Variants in TM4SF18 observed in about 807,000 individuals in gnomAD.
TM4SF18 encodes transmembrane 4 L6 family member 18.
TM4SF18 carries 22 observed loss-of-function variants against 23.8 expected under a neutral mutation model. That is an observed-to-expected ratio of 0.92 (90% CI 0.66 to 1.32). The LOEUF is 1.32. Ranked by LOEUF, TM4SF18 falls within the 40% of genes most tolerant of loss-of-function variation. TM4SF18 has a pLI of 0.00. For missense variants in TM4SF18, 255 were observed against 240.3 expected (o/e 1.06, Z -0.41); for synonymous variants, 87 against 87.9 (o/e 0.99, Z 0.06).
chr3:149,333,005 C>T (rs978266081), intron 2 of TM4SF18, among the ~76,000 whole-genome samples: 2 of 152,212 alleles, frequency 1.3e-5, no homozygotes, highest in Non-Finnish European at 2.9e-5. Flanking sequence ...ACTGAGGCTG[C>T]ATTGCTGAGC....
chr3:149,322,905 C>T (rs1165301348), intron 4 of TM4SF18, among the ~76,000 whole-genome samples: 16 of 128,778 alleles, frequency 1.2e-4, no homozygotes, highest in Non-Finnish European at 2.6e-4. Context: ...GGCCTCCAGA[C>T]TTTTTTTTTT....
At chr3:149,321,730 T>G (rs1368804151) in intron 5 of TM4SF18, among the ~76,000 whole-genome samples, 1 of 152,230 alleles carries the variant, frequency 6.6e-6, no homozygotes, top group African/African-American at 2.4e-5. Context: ...GTTTCAACCA[T>G]AACTAAATTA....
Position 149,330,381 on chromosome 3 carries a change from A to G in TM4SF18, c.216T>C (p.Asn72=), listed in dbSNP as rs759109514. Residue 72 remains asparagine (N), a synonymous_variant, in exon 3 of 6, where the codon AAT becomes AAC. Transcript: ENST00000296059. ...TCTGGCAACATTTATAGTTGTTATT[A>G]TTCTCCAGTACCAGAAGAACTGTTG... ...IVTTVLLVLE[N]NNNYKCCQSE... is the part of the protein sequence containing the mutation. 4 of 1,610,514 alleles carry G rather than the reference A, an allele frequency of 2.5e-6. No individual in the cohort carries two copies. Among genetic ancestry groups the G allele is most frequent in the Non-Finnish European group, 3.4e-6 (4 of 1,178,110 alleles).
Position 149,318,998 on chromosome 3 carries a change from A to G in TM4SF18, c.*2480T>C, listed in dbSNP as rs905550568. ...TTACTTAAAATTGCATGATTAGCATATACTCTTCAAATATAGAATATTTGG... is the reference window on the plus strand; with the variant it reads ...TTACTTAAAATTGCATGATTAGCATGTACTCTTCAAATATAGAATATTTGG... On this transcript the variant is annotated 3_prime_UTR_variant, in exon 6 of 6. Transcript: ENST00000296059. 1 of 152,128 alleles carries G rather than the reference A, an allele frequency of 6.6e-6. No individual in the cohort carries two copies. Among genetic ancestry groups the G allele is most frequent in the African/African-American group, 2.4e-5 (1 of 41,426 alleles). 9.4% of individuals were successfully genotyped at this position (152,128 alleles called of 1,614,324 possible).
rs907667698 is a variant in TM4SF18, at chr3:149,321,577, T to A, written c.592-85A>T. 2.6e-5 allele frequency: 22 copies of A among 837,510 alleles called. No individual in the cohort carries two copies. In the African/African-American group the frequency reaches 3.7e-4, roughly 14 times the overall value. 51.9% of individuals were successfully genotyped at this position (837,510 alleles called of 1,614,324 possible). On this transcript the variant is annotated intron_variant, in intron 5 of 5. Transcript: ENST00000296059. Reference sequence around the variant, plus strand: ...CCGTAATCCAGATAGCAACTTAAACTTATATTTCATATTCAAAATATGATA... The same window carrying A: ...CCGTAATCCAGATAGCAACTTAAACATATATTTCATATTCAAAATATGATA...
At chr3:149,331,368 C>T (rs1731083801) in intron 2 of TM4SF18, among the ~76,000 whole-genome samples, 1 of 152,046 alleles carries the variant, frequency 6.6e-6, no homozygotes, top group Non-Finnish European at 1.5e-5. Context: ...AAATAGAGAA[C>T]AGGTTTCTTT....
At chr3:149,325,130 C>A in intron 3 of TM4SF18, 108 bp from the exon 4 acceptor site, 1 of 931,766 alleles carries the variant, frequency 1.1e-6, no homozygotes, top group African/African-American at 1.7e-5. Context: ...CTCATGCAGT[C>A]TATACAATAC....
intron 3 of TM4SF18, among the ~76,000 whole-genome samples, chr3:149,326,716 TCA>T (rs1197468161): frequency 6.6e-6 from 1 of 152,232 alleles, no homozygotes; most frequent in African/African-American, 2.4e-5. Context: ...TTTTCTGGAC[TCA>T]CAGATCTTCT....
chr3:149,326,607 T>C (rs1054993452), intron 3 of TM4SF18, among the ~76,000 whole-genome samples: 3 of 152,238 alleles, frequency 2.0e-5, no homozygotes, highest in African/African-American at 7.2e-5. Context: ...TCCAATGTGC[T>C]GCTTTCATAA....
At position 149,325,095 on chromosome 3, in the gene TM4SF18, A is replaced by G. The variant is rs1381177880; in HGVS notation, c.268-73T>C. 2.7e-6 allele frequency: 4 copies of G among 1,480,306 alleles called. No homozygotes were observed. In the East Asian group the frequency reaches 7.3e-5, roughly 27 times the overall value. 91.7% of individuals were successfully genotyped at this position (1,480,306 alleles called of 1,614,324 possible). ...GGATATTGTGGATAAATTATCAGAT[A>G]GCTACATTCCCCTATTCACCCAAGC... is the stretch of plus-strand genomic sequence containing the variant. On this transcript the variant is annotated intron_variant, in intron 3 of 5. Coordinates refer to ENST00000296059, the MANE Select transcript of TM4SF18 (RefSeq NM_138786.4).
intron 5 of TM4SF18, among the ~76,000 whole-genome samples, 176 bp from the exon 6 acceptor site, chr3:149,321,668 T>C (rs561710968): frequency 6.6e-6 from 1 of 152,342 alleles, no homozygotes; most frequent in South Asian, 2.1e-4. Flanking sequence ...TTAAACAAAA[T>C]ACAAGCCATC....
intron 3 of TM4SF18, among the ~76,000 whole-genome samples, chr3:149,328,803 C>G (rs898880432): frequency 6.6e-6 from 1 of 152,104 alleles, no homozygotes; most frequent in African/African-American, 2.4e-5. Context: ...ATTGGGACTT[C>G]TCTTCTAGAA....
At position 149,322,905 on chromosome 3, in the gene TM4SF18, C is replaced by CTTTTTTTTTTT. The variant is rs34338382; in HGVS notation, c.411-480_411-470dup. ...GAACTTTACCCCTCTGGCCTCCAGA[C>CTTTTTTTTTTT]TTTTTTTTTTTTTTTTGAGACGGAG... On this transcript the variant is annotated intron_variant, in intron 4 of 5. Coordinates refer to ENST00000296059, the MANE Select transcript of TM4SF18 (RefSeq NM_138786.4). Among the ~76,000 whole-genome samples, 24 of 128,776 alleles carry CTTTTTTTTTTT rather than the reference C, an allele frequency of 1.9e-4. 1 individual carries two copies. Among genetic ancestry groups the CTTTTTTTTTTT allele is most frequent in the Middle Eastern group, 4.2e-3 (1 of 236 alleles). The allele number at this position is 128,776 out of a possible 152,430, so 84.5% of individuals were successfully genotyped here. A position where few individuals can be genotyped will look rare whatever the true frequency, so the allele number is the denominator to read the frequency against.
chr3:149,327,887 C>T (rs1367784562), intron 3 of TM4SF18, among the ~76,000 whole-genome samples: 1 of 152,080 alleles, frequency 6.6e-6, no homozygotes, highest in African/African-American at 2.4e-5. Flanking sequence ...TACCATTGCA[C>T]TATCAAGGTA....
At chr3:149,330,814 G>A (rs1364429286) in intron 2 of TM4SF18, among the ~76,000 whole-genome samples, 3 of 152,156 alleles carry the variant, frequency 2.0e-5, no homozygotes, top group Non-Finnish European at 4.4e-5. Context: ...TCATTCAGCA[G>A]GCTTGGTAGT....
At chr3:149,329,603 C>A (rs1731045884) in intron 3 of TM4SF18, among the ~76,000 whole-genome samples, 1 of 152,074 alleles carries the variant, frequency 6.6e-6, no homozygotes, top group Non-Finnish European at 1.5e-5. Context: ...TGTGAAAGAA[C>A]TATAAAGTGC....
At chr3:149,323,183 C>G (rs1730855453) in intron 4 of TM4SF18, among the ~76,000 whole-genome samples, 1 of 152,168 alleles carries the variant, frequency 6.6e-6, no homozygotes, top group Non-Finnish European at 1.5e-5. Flanking sequence ...CAGGCATGAG[C>G]CACCGCGCCT....
Position 149,322,343 on chromosome 3 carries a change from G to C in TM4SF18, c.504C>G (p.Leu168=), listed in dbSNP as rs1730826451. ...NIILFSILIT[L]SGLQVIICLI... is the part of the protein sequence containing the mutation. The stretch of plus-strand genomic sequence containing the variant: ...GGCAGATGATCACTTGAAGCCCACT[G>C]AGGGTTATGAGAATGGAAAATAAAA... Residue 168 remains leucine (L), a synonymous_variant, in exon 5 of 6, where the codon CTC becomes CTG. Coordinates refer to ENST00000296059, the MANE Select transcript of TM4SF18 (RefSeq NM_138786.4). 6.2e-7 allele frequency: 1 copy of C among 1,613,910 alleles called. No homozygotes were observed. Among genetic ancestry groups the C allele is most frequent in the Non-Finnish European group, 8.5e-7 (1 of 1,179,978 alleles).
rs546322928 is a variant in TM4SF18, at chr3:149,319,453, A to C, written c.*2025T>G. ...GTGTTATTGAATGAAGCTCTGTAAA[A>C]CTCTGGAGCCTAAGCATCTTTGTCT... On this transcript the variant is annotated 3_prime_UTR_variant, in exon 6 of 6. Coordinates refer to ENST00000296059, the MANE Select transcript of TM4SF18 (RefSeq NM_138786.4). 2 of 152,150 alleles carry C rather than the reference A, an allele frequency of 1.3e-5. No individual in the cohort carries two copies. Among genetic ancestry groups the C allele is most frequent in the South Asian group, 4.2e-4 (2 of 4,816 alleles). 9.4% of individuals were successfully genotyped at this position (152,150 alleles called of 1,614,324 possible). A position where few individuals can be genotyped will look rare whatever the true frequency, so the allele number is the denominator to read the frequency against.
Sources: allele counts gnomAD v4.1 joint callset (sites outside exome capture counted in the v4.1 genomes callset), GRCh38; gene constraint gnomAD v4.1.1; transcripts MANE v1.5; gene names NCBI Gene and HGNC (gene_info 2026-07-23, HGNC 2026-07-21).